The following OR1L6 variants were observed in gnomAD, a reference collection of about 807,000 sequenced individuals.
The protein encoded by OR1L6 is olfactory receptor 1L6.
Under a neutral mutation model 3.0 loss-of-function variants are expected in OR1L6, and 2 were observed. The ratio of observed to expected loss-of-function variants is 0.68; its 90% CI spans 0.28 to 2.13. OR1L6 has a LOEUF of 2.13. OR1L6 is among the 30% of genes most tolerant of loss of function. The pLI, the probability that OR1L6 is intolerant of heterozygous loss-of-function variation, is 0.14. For synonymous variants in OR1L6, 121 were observed against 148.4 expected, an observed-to-expected ratio of 0.82 and a Z score of 1.34; for missense variants, 304 against 378.4, an observed-to-expected ratio of 0.80 and a Z score of 1.63.
At chr9:122,749,271 T>C (rs1828865933) in intron 1 of OR1L6, among the ~76,000 whole-genome samples, 1 of 152,216 alleles carries the variant, frequency 6.6e-6, no homozygotes, top group Non-Finnish European at 1.5e-5. Context: ...TTAGAATCGC[T>C]TTTTTCTAAT....
Position 122,750,325 on chromosome 9 carries a change from C to T in OR1L6, c.478C>T (p.Arg160Cys), listed in dbSNP as rs770337459. 1.3e-5 allele frequency: 21 copies of T among 1,613,740 alleles called. No homozygotes were observed. The highest frequency in any genetic ancestry group is 9.4e-5 in the African/African-American group (7 of 74,832). The stretch of plus-strand genomic sequence containing the variant: ...CATCTCCCACCTACATTCCCTGTTC[C>T]GCGTGCTACTTATGTCTCGCTTGTC... ...CSISHLHSLF[R>C]VLLMSRLSFC... Residue 160 changes from arginine to cysteine, a missense_variant, in exon 2 of 2, where the codon CGC becomes TGC. Arg to Cys is a radical substitution (Grantham distance 180, BLOSUM62 -3). Coordinates refer to ENST00000304720, the MANE Select transcript of OR1L6 (RefSeq NM_001004453.3).
chr9:122,742,977 C>A (rs777848287), intron 1 of OR1L6, among the ~76,000 whole-genome samples: 2 of 152,116 alleles, frequency 1.3e-5, no homozygotes, highest in Non-Finnish European at 2.9e-5. Flanking sequence ...ATTGAACAGT[C>A]GCTTTCCTAG....
rs75195942 is a variant in OR1L6, at chr9:122,743,255, G to A, written c.-14+882G>A. Reference sequence around the variant, plus strand: ...AGAAAATCAGTGATTCCCAGGAGAAGAAAGACAGAAACAAAAGTGGGGCAG... The same window carrying A: ...AGAAAATCAGTGATTCCCAGGAGAAAAAAGACAGAAACAAAAGTGGGGCAG... On this transcript the variant is annotated intron_variant, in intron 1 of 1. Coordinates refer to ENST00000304720, the MANE Select transcript of OR1L6 (RefSeq NM_001004453.3). 1.1e-3 allele frequency among the ~76,000 whole-genome samples: 168 copies of A among 152,274 alleles called. 4 individuals are homozygous for A. In the East Asian group the frequency reaches 0.024, roughly 22 times the overall value.
In OR1L6 at chr9:122,750,365, A is replaced by G; in HGVS notation, c.518A>G (p.His173Arg). The G allele has an allele frequency of 6.2e-7, 1 of 1,613,190 alleles. No homozygotes were observed. The highest frequency in any genetic ancestry group is 8.5e-7 in the Non-Finnish European group (1 of 1,179,672). Residue 173 changes from histidine (H) to arginine (R), a missense_variant, in exon 2 of 2, where the codon CAC becomes CGC. By Grantham distance (29) the His-to-Arg change is conservative. Around this residue, in one of 3 missense-constraint regions of OR1L6, gnomAD observed 192 missense variants for 242.7 expected, o/e 0.79. Coordinates refer to ENST00000304720, the MANE Select transcript of OR1L6 (RefSeq NM_001004453.3). Reference protein sequence around the residue: ...LMSRLSFCASHIIKHFFCDTQ... With the variant: ...LMSRLSFCASRIIKHFFCDTQ... ...TCTCGCTTGTCTTTCTGTGCCTCTC[A>G]CATCATTAAGCACTTTTTCTGTGAC... is the stretch of plus-strand genomic sequence containing the variant.
intron 1 of OR1L6, 140 bp from the exon 2 acceptor site, chr9:122,749,695 G>C (rs375157722): frequency 1.2e-6 from 1 of 825,954 alleles, no homozygotes; most frequent in East Asian, 2.4e-5. Context: ...GCGACAGACC[G>C]AGACTCCGTC....
Position 122,749,269 on chromosome 9 carries a change from G to T in OR1L6, c.-13-566G>T, listed in dbSNP as rs114350664. On this transcript the variant is annotated intron_variant, in intron 1 of 1. Transcript: ENST00000304720. The stretch of plus-strand genomic sequence containing the variant: ...TGGGTTCCACATGAATTTTAGAATC[G>T]CTTTTTTCTAATCTTGTGAAAAATG... Among the ~76,000 whole-genome samples, 948 of 152,100 alleles carry T rather than the reference G, an allele frequency of 6.2e-3. 9 individuals carry two copies. The highest frequency in any genetic ancestry group is 0.022 in the African/African-American group (907 of 41,476).
Position 122,750,147 on chromosome 9 carries a change from C to A in OR1L6, c.300C>A (p.Ala100=), listed in dbSNP as rs1828876905. ...TTATCTCCTATGTGGGCTGCCTGGC[C>A]CAGATGTACTTCTTTATGGCATTTG... is the stretch of plus-strand genomic sequence containing the variant. ...TKVISYVGCL[A]QMYFFMAFGN... is the part of the protein sequence containing the mutation. Residue 100 remains alanine, a synonymous_variant, in exon 2 of 2, where the codon GCC becomes GCA. Transcript: ENST00000304720. The A allele has an allele frequency of 6.2e-7, 1 of 1,613,240 alleles. No homozygotes were observed. The highest frequency in any genetic ancestry group is 1.3e-5 in the African/African-American group (1 of 74,888).
At chr9:122,748,806 A>AT (rs1367881141) in intron 1 of OR1L6, among the ~76,000 whole-genome samples, 1 of 152,002 alleles carries the variant, frequency 6.6e-6, no homozygotes, top group African/African-American at 2.4e-5. Context: ...CTGATTTTAT[A>AT]TTTTTTTATT....
At chr9:122,744,078 T>TA (rs1324853346) in intron 1 of OR1L6, among the ~76,000 whole-genome samples, 2 of 152,222 alleles carry the variant, frequency 1.3e-5, no homozygotes, top group Non-Finnish European at 2.9e-5. Context: ...TCCTTCGTTG[T>TA]AAAGGGCAAA....
intron 1 of OR1L6, 92 bp from the exon 2 acceptor site, chr9:122,749,743 A>C (rs1564249698): frequency 8.7e-7 from 1 of 1,155,652 alleles, no homozygotes. Context: ...AAGGGCTATG[A>C]GCTATTTTTA....
chr9:122,746,174 G>A (rs1035262446), intron 1 of OR1L6, among the ~76,000 whole-genome samples: 3 of 152,124 alleles, frequency 2.0e-5, no homozygotes, highest in African/African-American at 7.2e-5. Context: ...ATTTTGTGTT[G>A]TCTGTGCTAT....
At chr9:122,744,212 C>A (rs985387994) in intron 1 of OR1L6, among the ~76,000 whole-genome samples, 1 of 152,220 alleles carries the variant, frequency 6.6e-6, no homozygotes, top group Non-Finnish European at 1.5e-5. Context: ...TGTCCTTGCT[C>A]ATTCAGGGGA....
chr9:122,743,840 G>C (rs939755272), intron 1 of OR1L6, among the ~76,000 whole-genome samples: 4 of 152,218 alleles, frequency 2.6e-5, no homozygotes, highest in African/African-American at 9.7e-5. Context: ...ATATGTAGGA[G>C]CAAAGGATAG....
chr9:122,750,234 C>T lies in OR1L6; in HGVS notation c.387C>T (p.Asn129=), dbSNP rs768003046. Residue 129 remains asparagine (N), a synonymous_variant, in exon 2 of 2, where the codon AAC becomes AAT. Coordinates refer to ENST00000304720, the MANE Select transcript of OR1L6 (RefSeq NM_001004453.3). The part of the protein sequence containing the change: ...MAIDRLVAIC[N]PLHYDVVMKP... ...TCGACCGGCTGGTGGCCATCTGCAACCCCTTACACTATGATGTGGTTATGA... is the reference window on the plus strand; with the variant it reads ...TCGACCGGCTGGTGGCCATCTGCAATCCCTTACACTATGATGTGGTTATGA... The T allele has an allele frequency of 4.3e-6, 7 of 1,614,102 alleles. No individual in the cohort carries two copies. In the South Asian group the frequency reaches 7.7e-5, roughly 18 times the overall value.
chr9:122,750,720 C>A lies in OR1L6; in HGVS notation c.873C>A (p.Tyr291Ter). 3 of 1,613,154 alleles carry A rather than the reference C, an allele frequency of 1.9e-6. No individual in the cohort carries two copies. Among genetic ancestry groups the A allele is most frequent in the Non-Finnish European group, 2.5e-6 (3 of 1,179,994 alleles). Reference protein sequence around the residue: ...VVTPMLNPFIYSLRNKDMKRG... With the variant: ...VVTPMLNPFI ...CACCCATGCTGAACCCTTTCATCTACAGCCTGAGGAACAAAGATATGAAGA... is the reference window on the plus strand; with the variant it reads ...CACCCATGCTGAACCCTTTCATCTAAAGCCTGAGGAACAAAGATATGAAGA... Residue 291 changes from tyrosine to a stop codon, truncating the protein, a stop_gained, in exon 2 of 2, where the codon TAC becomes TAA. Coordinates refer to ENST00000304720, the MANE Select transcript of OR1L6 (RefSeq NM_001004453.3). LOFTEE classifies it high-confidence loss of function.
At chr9:122,745,251 G>C (rs1241186132) in intron 1 of OR1L6, among the ~76,000 whole-genome samples, 1 of 151,950 alleles carries the variant, frequency 6.6e-6, no homozygotes, top group Non-Finnish European at 1.5e-5. Flanking sequence ...AACATTCTTG[G>C]GGTAGCGGAA....
At chr9:122,747,433 T>C (rs1167892805) in intron 1 of OR1L6, among the ~76,000 whole-genome samples, 1 of 152,096 alleles carries the variant, frequency 6.6e-6, no homozygotes, top group African/African-American at 2.4e-5. Context: ...CATTTATTCA[T>C]CTAGGTGAAT....
At position 122,750,408 on chromosome 9, in the gene OR1L6, G is replaced by T; in HGVS notation, c.561G>T (p.Lys187Asn). 3 of 1,608,186 alleles carry T rather than the reference G, an allele frequency of 1.9e-6. No individual in the cohort carries two copies. The South Asian group carries it at 3.3e-5, about 18-fold the overall frequency. ...TCTGTGACACCCAGCCTGTGCTAAA[G>T]CTCTCCTGCTCTGACACATCCTCCA... Reference protein sequence around the residue: ...HFFCDTQPVLKLSCSDTSSSQ... With the variant: ...HFFCDTQPVLNLSCSDTSSSQ... The change falls in exon 2 of 2, where the codon AAG becomes AAT. Residue 187 changes from lysine to asparagine, a missense_variant. Transcript: ENST00000304720.
At chr9:122,749,294 G>T (rs899754793) in intron 1 of OR1L6, among the ~76,000 whole-genome samples, 12 of 151,968 alleles carry the variant, frequency 7.9e-5, no homozygotes, top group African/African-American at 2.9e-4. Flanking sequence ...TGTGAAAAAT[G>T]ATATTTCTAC....
Sources: gnomAD v4.1 joint callset for allele counts (sites outside exome capture counted in the v4.1 genomes callset) on GRCh38, gnomAD v4.1.1 for gene constraint, gnomAD v4.1.1 regional missense constraint, MANE v1.5 for transcripts, NCBI Gene and HGNC (gene_info 2026-07-23, HGNC 2026-07-21) for gene names.